The following ZNF521 variants were observed in gnomAD, a reference collection of about 807,000 sequenced individuals.
The protein encoded by ZNF521 is LYST-interacting protein 3.
In ZNF521, 14 loss-of-function variants were observed where a neutral mutation model predicts 105.5. That is an observed-to-expected ratio of 0.13 (90% CI 0.09 to 0.21). The LOEUF is 0.21. Ranked by LOEUF, ZNF521 falls within the 10% of genes least tolerant of loss-of-function variation. The pLI is 1.00. For missense variants in ZNF521, 1,233 were observed against 1,629.7 expected (o/e 0.76, Z 4.19); for synonymous variants, 635 against 606.0 (o/e 1.05, Z -0.70).
At chr18:25,255,699 C>T (rs1908431946) in intron 3 of ZNF521, among the ~76,000 whole-genome samples, 1 of 151,908 alleles carries the variant, frequency 6.6e-6, no homozygotes, top group Admixed American at 6.6e-5. Context: ...ATGAAAATGA[C>T]CCAGTCATTG....
Position 25,127,988 on chromosome 18 carries a change from C to T in ZNF521, c.3659-35907G>A, listed in dbSNP as rs74591512. On this transcript the variant is annotated intron_variant, in intron 5 of 7. Transcript: ENST00000361524. Reference sequence around the variant, plus strand: ...ACTCATTCTATGATGCCAGCCTTTACCTAATACAGAAACCAGACAAAGACA... The same window carrying T: ...ACTCATTCTATGATGCCAGCCTTTATCTAATACAGAAACCAGACAAAGACA... Among the ~76,000 whole-genome samples the T allele has an allele frequency of 3.8e-3, 581 of 151,930 alleles. 7 individuals are homozygous for T. Among genetic ancestry groups the T allele is most frequent in the African/African-American group, 0.013 (553 of 41,504 alleles).
intron 5 of ZNF521, among the ~76,000 whole-genome samples, chr18:25,096,007 G>C (rs1241707147): frequency 6.6e-6 from 1 of 151,958 alleles, no homozygotes; most frequent in Non-Finnish European, 1.5e-5. Flanking sequence ...TTCCTGTCTT[G>C]GTCACCCACT....
chr18:25,067,306 C>T (rs4800204), intron 7 of ZNF521, among the ~76,000 whole-genome samples: 92,447 of 152,032 alleles, frequency 0.61, 28,861 homozygotes, highest in African/African-American at 0.74. Context: ...AGGGCCCCAT[C>T]TGGAAGGAGT....
chr18:25,191,979 A>G (rs111364038), intron 5 of ZNF521, among the ~76,000 whole-genome samples: 173 of 152,314 alleles, frequency 1.1e-3, no homozygotes, highest in Non-Finnish European at 1.5e-3. Flanking sequence ...TCTCAGGTCA[A>G]AAGCCAACAT....
Position 25,322,090 on chromosome 18 carries a change from C to T in ZNF521, c.138G>A (p.Val46=), listed in dbSNP as rs771870182. ...EDGEELEDEA[V]HSCDSCLQVF... The stretch of plus-strand genomic sequence containing the variant: ...CCTGGAGGCAGCTGTCACAGCTGTG[C>T]ACAGCTTCGTCTTCCAACTCCTCCC... Residue 46 remains valine (V), a synonymous_variant, in exon 3 of 8, where the codon GTG becomes GTA. Transcript: ENST00000361524. The T allele has an allele frequency of 1.5e-5, 24 of 1,613,796 alleles. No individual in the cohort carries two copies. The highest frequency in any genetic ancestry group is 2.0e-5 in the Non-Finnish European group (24 of 1,179,698).
At chr18:25,289,245 G>A (rs1336685736) in intron 3 of ZNF521, among the ~76,000 whole-genome samples, 1 of 152,204 alleles carries the variant, frequency 6.6e-6, no homozygotes, top group Non-Finnish European at 1.5e-5. Context: ...ATCCTTACCA[G>A]CAATCTTGTA....
chr18:25,275,730 G>C (rs560213505), intron 3 of ZNF521, among the ~76,000 whole-genome samples: 8 of 152,274 alleles, frequency 5.3e-5, no homozygotes, highest in African/African-American at 1.9e-4. Flanking sequence ...CTAAGGAAAG[G>C]AAAGGGAAAC....
chr18:25,142,247 T>G (rs1600086318), intron 5 of ZNF521, among the ~76,000 whole-genome samples: 2 of 152,150 alleles, frequency 1.3e-5, no homozygotes, highest in South Asian at 4.1e-4. Flanking sequence ...ATCTTTCAAG[T>G]TCTCTCATCC....
At chr18:25,069,160 T>C (rs954870754) in intron 7 of ZNF521, among the ~76,000 whole-genome samples, 2 of 152,238 alleles carry the variant, frequency 1.3e-5, no homozygotes, top group African/African-American at 4.8e-5. Flanking sequence ...ATACATATTC[T>C]ATTAAATTAT....
intron 2 of ZNF521, among the ~76,000 whole-genome samples, chr18:25,349,791 CG>C (rs1483096671): frequency 2.0e-5 from 3 of 150,186 alleles, no homozygotes; most frequent in African/African-American, 7.3e-5. Context: ...CCAGCGGGCC[CG>C]GGCGGGCGCA....
intron 3 of ZNF521, among the ~76,000 whole-genome samples, chr18:25,257,580 G>A (rs1029908169): frequency 8.5e-5 from 13 of 152,142 alleles, no homozygotes; most frequent in African/African-American, 2.7e-4. Context: ...AAATCCATTC[G>A]TAAGCGATAT....
chr18:25,257,549 G>C (rs1908605933), intron 3 of ZNF521, among the ~76,000 whole-genome samples: 1 of 152,112 alleles, frequency 6.6e-6, no homozygotes, highest in Non-Finnish European at 1.5e-5. Flanking sequence ...CAAGGTGGAG[G>C]GTGAACTGCC....
At chr18:25,350,309 A>G (rs1314629045) in intron 2 of ZNF521, among the ~76,000 whole-genome samples, 2 of 151,480 alleles carry the variant, frequency 1.3e-5, no homozygotes, top group South Asian at 2.1e-4. Context: ...CTGAGGCCCG[A>G]GCCGGGGTCC....
At chr18:25,189,314 A>C (rs1036508081) in intron 5 of ZNF521, among the ~76,000 whole-genome samples, 1 of 152,178 alleles carries the variant, frequency 6.6e-6, no homozygotes, top group Non-Finnish European at 1.5e-5. Context: ...TTCTAAATAC[A>C]TCCTGAATTT....
chr18:25,074,030 G>GT (rs1307024189), intron 7 of ZNF521, among the ~76,000 whole-genome samples: 1 of 149,882 alleles, frequency 6.7e-6, no homozygotes, highest in Non-Finnish European at 1.5e-5. Flanking sequence ...AGGTGTGTGT[G>GT]CGTGCATGTG....
chr18:25,069,543 T>C (rs2144117463), intron 7 of ZNF521, among the ~76,000 whole-genome samples: 1 of 152,320 alleles, frequency 6.6e-6, no homozygotes, highest in Middle Eastern at 3.4e-3. Context: ...CCAAAGTTTC[T>C]ACTGCCCACA....
At chr18:25,271,808 C>A (rs1487331908) in intron 3 of ZNF521, among the ~76,000 whole-genome samples, 1 of 152,132 alleles carries the variant, frequency 6.6e-6, no homozygotes, top group Non-Finnish European at 1.5e-5. Context: ...ACCATAAAAA[C>A]CATAGAAGAA....
Position 25,350,960 on chromosome 18 carries a change from A to G in ZNF521, c.-1-13T>C. The G allele has an allele frequency of 1.9e-6, 3 of 1,546,174 alleles. No homozygotes were observed. Among genetic ancestry groups the G allele is most frequent in the Admixed American group, 2.0e-5 (1 of 50,524 alleles). ...GCGGCGAGACATCCTAAAAGCAAACAGCTGAAGTTGTTTCAATTCAGCCCT... is the reference window on the plus strand; with the variant it reads ...GCGGCGAGACATCCTAAAAGCAAACGGCTGAAGTTGTTTCAATTCAGCCCT... On this transcript the variant is annotated splice_polypyrimidine_tract_variant and intron_variant, in intron 1 of 7. Transcript: ENST00000361524.
intron 4 of ZNF521, among the ~76,000 whole-genome samples, chr18:25,203,193 T>A (rs8090540): frequency 6.7e-4 from 102 of 152,330 alleles, no homozygotes; most frequent in African/African-American, 2.3e-3. Context: ...TATTTTGGTG[T>A]ATTGCAAAGA....
Sources: allele counts gnomAD v4.1 joint callset (sites outside exome capture counted in the v4.1 genomes callset), GRCh38; gene constraint gnomAD v4.1.1; transcripts MANE v1.5; gene names NCBI Gene and HGNC (gene_info 2026-07-23, HGNC 2026-07-21).